The following TBC1D30 variants were observed in gnomAD, a reference collection of about 807,000 sequenced individuals.
TBC1D30 encodes TBC1 domain family, member 30.
Under a neutral mutation model 63.2 loss-of-function variants are expected in TBC1D30, and 31 were observed. That is an observed-to-expected ratio of 0.49 (90% CI 0.37 to 0.66). The LOEUF (loss-of-function observed/expected upper bound fraction) is 0.66, where lower values mean the gene tolerates loss of function less well. Among genes scored for constraint, TBC1D30 ranks in the 30% least tolerant of loss-of-function variants. TBC1D30 has a pLI of 0.00. For synonymous variants in TBC1D30, 307 were observed against 361.5 expected, an observed-to-expected ratio of 0.85 and a Z score of 1.71; for missense variants, 810 against 953.6, an observed-to-expected ratio of 0.85 and a Z score of 1.98.
intron 6 of TBC1D30, 142 bp downstream of exon 6, chr12:64,836,800 A>G: frequency 1.1e-6 from 1 of 900,910 alleles, no homozygotes; most frequent in South Asian, 2.1e-5. Flanking sequence ...TTTTTAGAGA[A>G]TGAAAACAAA....
At chr12:64,829,809 C>A (rs866065864) in intron 3 of TBC1D30, among the ~76,000 whole-genome samples, 1 of 152,166 alleles carries the variant, frequency 6.6e-6, no homozygotes, top group South Asian at 2.1e-4. Flanking sequence ...TGAAATATAA[C>A]TTTCAGAAAC....
chr12:64,775,581 T>A (rs1871053462), upstream of TBC1D30, among the ~76,000 whole-genome samples: 1 of 152,234 alleles, frequency 6.6e-6, no homozygotes, highest in African/African-American at 2.4e-5. Flanking sequence ...AAGACCTAAC[T>A]ATTCTAAATG....
intron 11 of TBC1D30, among the ~76,000 whole-genome samples, chr12:64,873,983 C>A (rs1159202567): frequency 1.3e-5 from 2 of 152,174 alleles, no homozygotes; most frequent in Admixed American, 1.3e-4. Flanking sequence ...CAGCTGCCAT[C>A]CTGGGACCAT....
intron 1 of TBC1D30, among the ~76,000 whole-genome samples, chr12:64,827,290 A>C (rs919898658): frequency 6.6e-5 from 10 of 152,134 alleles, no homozygotes; most frequent in African/African-American, 2.4e-4. Context: ...TTCTACAAAA[A>C]ATACAAAAAT....
At chr12:64,764,522 A>G (rs1218611192) in intron 1 of TBC1D30, among the ~76,000 whole-genome samples, 4 of 152,242 alleles carry the variant, frequency 2.6e-5, no homozygotes, top group African/African-American at 7.2e-5. Context: ...AAACAGGGCA[A>G]TATAGATGCC....
rs377446781 is a variant in TBC1D30, at chr12:64,795,252, C to G, written c.643+9207C>G. On this transcript the variant is annotated intron_variant, in intron 2 of 12. Transcript: ENST00000542120. ...CAAGGAAGAGTCTTCTGATCTCCTG[C>G]TCGAAGGGTGAAGGTCTGGCTGCTG... Among the ~76,000 whole-genome samples the G allele has an allele frequency of 1.8e-4, 27 of 152,238 alleles. 1 individual carries two copies. In the East Asian group the frequency reaches 4.4e-3, roughly 25 times the overall value.
Position 64,815,912 on chromosome 12 carries a change from G to A in TBC1D30, c.644-11923G>A, listed in dbSNP as rs778836681. Among the ~76,000 whole-genome samples the A allele has an allele frequency of 8.6e-5, 13 of 151,736 alleles. 1 individual carries two copies. The highest frequency in any genetic ancestry group is 5.9e-4 in the Admixed American group (9 of 15,222). On this transcript the variant is annotated intron_variant, in intron 2 of 12. Transcript: ENST00000542120. The stretch of plus-strand genomic sequence containing the variant: ...GGTGATCCGCCCCAGTAGCTGGTAC[G>A]ATAGCCATGTACCACCATGCCTGGC...
At chr12:64,838,527 A>G (rs1875564555) in intron 6 of TBC1D30, among the ~76,000 whole-genome samples, 156 bp from the exon 7 acceptor site, 1 of 152,240 alleles carries the variant, frequency 6.6e-6, no homozygotes, top group South Asian at 2.1e-4. Context: ...TTCCAGAAAC[A>G]TGGCAGAAAA....
chr12:64,870,544 C>T (rs1043795321), intron 10 of TBC1D30, 58 bp from the exon 11 acceptor site: 4 of 1,391,358 alleles, frequency 2.9e-6, no homozygotes, highest in Non-Finnish European at 3.9e-6. Flanking sequence ...TATCAATTTC[C>T]ATTTACTCCT....
At chr12:64,795,630 T>C (rs1217360496) in intron 2 of TBC1D30, among the ~76,000 whole-genome samples, 1 of 152,160 alleles carries the variant, frequency 6.6e-6, no homozygotes, top group Non-Finnish European at 1.5e-5. Flanking sequence ...GGGATTTGGC[T>C]TTCTAGGATC....
upstream of TBC1D30, among the ~76,000 whole-genome samples, chr12:64,822,675 CT>C (rs4045050): frequency 2.9e-3 from 391 of 135,614 alleles, 2 homozygotes; most frequent in African/African-American, 8.0e-3. Context: ...ATTTTTGTAG[CT>C]TTTTTTTTTT....
intron 8 of TBC1D30, among the ~76,000 whole-genome samples, chr12:64,857,436 C>T (rs1877404884): frequency 6.6e-6 from 1 of 152,150 alleles, no homozygotes; most frequent in African/African-American, 2.4e-5. Flanking sequence ...GTGCCCTATC[C>T]TGTTGTGGCT....
intron 2 of TBC1D30, among the ~76,000 whole-genome samples, chr12:64,803,249 G>A (rs915843613): frequency 7.2e-5 from 11 of 152,202 alleles, no homozygotes; most frequent in Admixed American, 2.6e-4. Flanking sequence ...GATGGCTAGC[G>A]ATGATGAGCA....
intron 11 of TBC1D30, among the ~76,000 whole-genome samples, chr12:64,872,329 G>A (rs1878720543): frequency 6.6e-6 from 1 of 152,150 alleles, no homozygotes; most frequent in Non-Finnish European, 1.5e-5. Flanking sequence ...CACCTGGCCT[G>A]TAAATACAGT....
Position 64,875,837 on chromosome 12 carries a change from A to AG in TBC1D30, c.*52dup. 1 of 1,465,460 alleles carries AG rather than the reference A, an allele frequency of 6.8e-7. No individual in the cohort carries two copies. Among genetic ancestry groups the AG allele is most frequent in the Non-Finnish European group, 9.0e-7 (1 of 1,111,946 alleles). The allele number at this position is 1,465,460 out of a possible 1,614,324, so 90.8% of individuals were successfully genotyped here. A position where few individuals can be genotyped will look rare whatever the true frequency, so the allele number is the denominator to read the frequency against. On this transcript the variant is annotated 3_prime_UTR_variant, in exon 12 of 12. Transcript: ENST00000539867. The stretch of plus-strand genomic sequence containing the variant: ...GGACTCACCTTTTCACAGTAGTATA[A>AG]GGGTTGCAGCTGAATGGCTCTAAAA...
intron 8 of TBC1D30, among the ~76,000 whole-genome samples, chr12:64,855,315 G>A (rs1171517085): frequency 6.6e-6 from 1 of 152,022 alleles, no homozygotes; most frequent in Non-Finnish European, 1.5e-5. Context: ...TCTTCTTTGG[G>A]TTAAATCTGT....
chr12:64,860,192 A>T (rs140485024), intron 8 of TBC1D30, among the ~76,000 whole-genome samples: 2,685 of 151,772 alleles, frequency 0.018, 85 homozygotes, highest in African/African-American at 0.06. Context: ...TAATTTTTAA[A>T]TTTTTTGTAG....
intron 1 of TBC1D30, among the ~76,000 whole-genome samples, chr12:64,765,820 A>G (rs981634522): frequency 1.2e-5 from 1 of 86,826 alleles, no homozygotes; most frequent in African/African-American, 5.8e-5. Flanking sequence ...ACTTGACAAA[A>G]CCCCACCTCT....
At chr12:64,770,870 ATT>A (rs59632344) in intron 1 of TBC1D30, among the ~76,000 whole-genome samples, 13 of 138,078 alleles carry the variant, frequency 9.4e-5, no homozygotes, top group Non-Finnish European at 4.7e-5. Flanking sequence ...CACCCAGCTA[ATT>A]TTTTTTTTTT....
Sources: gnomAD v4.1 joint callset for allele counts (sites outside exome capture counted in the v4.1 genomes callset) on GRCh38, gnomAD v4.1.1 for gene constraint, MANE v1.5 for transcripts, NCBI Gene and HGNC (gene_info 2026-07-23, HGNC 2026-07-21) for gene names.